The following PARP12 variants were observed in gnomAD, a reference collection of about 807,000 sequenced individuals.
The protein encoded by PARP12 is protein mono-ADP-ribosyltransferase PARP12.
PARP12 carries 59 observed loss-of-function variants against 72.4 expected under a neutral mutation model. The observed-to-expected ratio is 0.81, with a 90% CI of 0.66 to 1.01. PARP12 has a LOEUF of 1.01. PARP12 is among the 50% of genes least tolerant of loss of function. PARP12 has a pLI of 0.00. For synonymous variants in PARP12, 403 were observed against 371.4 expected (o/e 1.09, Z -0.98); for missense variants, 851 against 914.0 (o/e 0.93, Z 0.89).
intron 6 of PARP12, among the ~76,000 whole-genome samples, chr7:140,038,715 A>C (rs1397527102): frequency 2.0e-5 from 3 of 151,824 alleles, no homozygotes; most frequent in Non-Finnish European, 4.4e-5. Context: ...TAACCAACTA[A>C]CTCCCTCTGT....
chr7:140,060,802 G>C (rs1817413664), intron 1 of PARP12, among the ~76,000 whole-genome samples: 1 of 152,104 alleles, frequency 6.6e-6, no homozygotes, highest in Admixed American at 6.5e-5. Flanking sequence ...TCCACCCTCA[G>C]CCTCTTTTCA....
In PARP12 at chr7:140,057,889, T is replaced by A. The variant is rs140219951; in HGVS notation, c.462+10A>T. On this transcript the variant is annotated intron_variant, in intron 2 of 11. Coordinates refer to ENST00000263549, the MANE Select transcript of PARP12 (RefSeq NM_022750.4). ...GGAGCTGTGGAACCCAGACTTCCCCTGGCACTCACTTCTGGCAAAAGCCAG... is the reference window on the plus strand; with the variant it reads ...GGAGCTGTGGAACCCAGACTTCCCCAGGCACTCACTTCTGGCAAAAGCCAG... The A allele has an allele frequency of 1.2e-6, 2 of 1,614,054 alleles. No homozygotes were observed. The highest frequency in any genetic ancestry group is 2.7e-5 in the African/African-American group (2 of 75,052).
intron 5 of PARP12, among the ~76,000 whole-genome samples, chr7:140,046,631 G>A (rs1816733882): frequency 6.6e-6 from 1 of 152,114 alleles, no homozygotes; most frequent in Non-Finnish European, 1.5e-5. Context: ...GAAAGGAGAG[G>A]GAGGTGGGAG....
chr7:140,029,586 T>C (rs1039375945), intron 8 of PARP12, among the ~76,000 whole-genome samples: 5 of 152,012 alleles, frequency 3.3e-5, no homozygotes, highest in African/African-American at 9.7e-5. Context: ...CCACAAAGAC[T>C]TAAGATGCTG....
rs547581329 is a variant in PARP12 at position 140,024,395 on chromosome 7, T to TA, written c.*164dup. On this transcript the variant is annotated 3_prime_UTR_variant, in exon 12 of 12. Transcript: ENST00000263549. ...TCCACTAGTGAACCCAAAAGTGACT[T>TA]AAAAGTAAAAATCATTATTAGCAAG... The TA allele has an allele frequency of 7.9e-5, 68 of 860,888 alleles. No individual in the cohort carries two copies. The East Asian group carries it at 1.7e-3, about 22-fold the overall frequency. 53.3% of individuals were successfully genotyped at this position (860,888 alleles called of 1,614,324 possible). A position where few individuals can be genotyped will look rare whatever the true frequency, so the allele number is the denominator to read the frequency against.
chr7:140,035,860 GGGGGAAGAGGAA>G, intron 7 of PARP12, among the ~76,000 whole-genome samples: 1 of 151,162 alleles, frequency 6.6e-6, no homozygotes, highest in African/African-American at 2.4e-5. Flanking sequence ...AGGAGGAGGA[GGGGGAAGAGGAA>G]GAGGAGGAGG....
chr7:140,045,958 A>G (rs1161227169), intron 5 of PARP12, among the ~76,000 whole-genome samples: 1 of 152,142 alleles, frequency 6.6e-6, no homozygotes, highest in Non-Finnish European at 1.5e-5. Context: ...ACAGAGATCT[A>G]TGGTGACAGA....
intron 1 of PARP12, among the ~76,000 whole-genome samples, chr7:140,061,421 G>A (rs1243285583): frequency 1.3e-5 from 2 of 152,118 alleles, no homozygotes; most frequent in Non-Finnish European, 2.9e-5. Flanking sequence ...CCTGACATGA[G>A]CAAGAAATAT....
At chr7:140,058,175 G>T in intron 1 of PARP12, 141 bp from the exon 2 acceptor site, 1 of 934,514 alleles carries the variant, frequency 1.1e-6, no homozygotes, top group South Asian at 1.7e-5. Flanking sequence ...TTAAAAAGAG[G>T]TCCATAGGGT....
At chr7:140,036,380 C>A (rs1816197340) in intron 7 of PARP12, among the ~76,000 whole-genome samples, 1 of 152,322 alleles carries the variant, frequency 6.6e-6, no homozygotes, top group Middle Eastern at 3.4e-3. Context: ...CTGGTCCCCT[C>A]TCATGCACTG....
At position 140,054,651 on chromosome 7, in the gene PARP12, T is replaced by C. The variant is rs2362460; in HGVS notation, c.862+11A>G. 674,096 of 1,597,834 alleles carry C rather than the reference T, an allele frequency of 0.42. 150,818 individuals carry two copies. Among genetic ancestry groups the C allele is most frequent in the African/African-American group, 0.81 (60,167 of 74,568 alleles). ...CCCACAAGTGGAATGAAGGAGCCTC[T>C]TCCAACTTACCTTGAAAGCTACAAC... On this transcript the variant is annotated intron_variant, in intron 4 of 11. Coordinates refer to ENST00000263549, the MANE Select transcript of PARP12 (RefSeq NM_022750.4).
chr7:140,058,319 G>A (rs1026511652), intron 1 of PARP12, among the ~76,000 whole-genome samples: 31 of 152,034 alleles, frequency 2.0e-4, no homozygotes, highest in Non-Finnish European at 3.7e-4. Flanking sequence ...AGACCATCCT[G>A]GCTAACACAG....
In PARP12 at chr7:140,054,655, A is replaced by T. The variant is rs1817107942; in HGVS notation, c.862+7T>A. 1 of 1,604,080 alleles carries T rather than the reference A, an allele frequency of 6.2e-7. No individual in the cohort carries two copies. Among genetic ancestry groups the T allele is most frequent in the African/African-American group, 1.3e-5 (1 of 74,684 alleles). The stretch of plus-strand genomic sequence containing the variant: ...CAAGTGGAATGAAGGAGCCTCTTCC[A>T]ACTTACCTTGAAAGCTACAACTTTT... On this transcript the variant is annotated splice_region_variant and intron_variant, in intron 4 of 11. Transcript: ENST00000263549.
chr7:140,054,683 G>C lies in PARP12; in HGVS notation c.841C>G (p.Arg281Gly). 6.2e-7 allele frequency: 1 copy of C among 1,613,678 alleles called. No individual in the cohort carries two copies. The highest frequency in any genetic ancestry group is 8.5e-7 in the Non-Finnish European group (1 of 1,179,596). ...TTACCTTGAAAGCTACAACTTTTCCGGATATGGTACAAACAGATCTGATCA... is the reference window on the plus strand; with the variant it reads ...TTACCTTGAAAGCTACAACTTTTCCCGATATGGTACAAACAGATCTGATCA... ...EGDQICLYHI[R>G]KSCSFQDKCH... The change falls in exon 4 of 12, where the codon CGG (arginine) becomes GGG (glycine). Residue 281 changes from arginine to glycine, a missense_variant. Physicochemically the swap from Arg to Gly is moderately radical, Grantham distance 125. Coordinates refer to ENST00000263549, the MANE Select transcript of PARP12 (RefSeq NM_022750.4).
chr7:140,050,176 C>A (rs1431303321), intron 4 of PARP12, among the ~76,000 whole-genome samples: 1 of 152,048 alleles, frequency 6.6e-6, no homozygotes, highest in Non-Finnish European at 1.5e-5. Flanking sequence ...ACAAAATGTG[C>A]AGAACATACC....
chr7:140,035,896 G>C (rs972434860), intron 7 of PARP12, among the ~76,000 whole-genome samples: 1 of 67,448 alleles, frequency 1.5e-5, no homozygotes, highest in Non-Finnish European at 2.6e-5. Flanking sequence ...AGGAAGAGGA[G>C]GAGGACGAGG....
At chr7:140,028,769 A>C in intron 8 of PARP12, 81 bp from the exon 9 acceptor site, 2 of 1,216,742 alleles carry the variant, frequency 1.6e-6, no homozygotes, top group Non-Finnish European at 2.3e-6. Context: ...CTGCTAGCCA[A>C]TATCACCAGT....
At chr7:140,053,536 A>C (rs2116645493) in intron 4 of PARP12, among the ~76,000 whole-genome samples, 1 of 152,308 alleles carries the variant, frequency 6.6e-6, no homozygotes, top group East Asian at 1.9e-4. Context: ...ATATATACTT[A>C]TCAAAACTCA....
chr7:140,027,500 G>C, intron 9 of PARP12, 94 bp from the exon 10 acceptor site: 1 of 1,490,362 alleles, frequency 6.7e-7, no homozygotes, highest in South Asian at 1.2e-5. Context: ...TAGAACCGCA[G>C]AAGCACAAAA....
Sources: gnomAD v4.1 joint callset for allele counts (sites outside exome capture counted in the v4.1 genomes callset) on GRCh38, gnomAD v4.1.1 for gene constraint, MANE v1.5 for transcripts, NCBI Gene and HGNC (gene_info 2026-07-23, HGNC 2026-07-21) for gene names.